Variants in TEX11 observed in about 807,000 individuals in gnomAD.
The protein encoded by TEX11 is testis-expressed protein 11.
A neutral mutation model predicts 84.4 loss-of-function variants in TEX11; 7 were observed. The observed-to-expected ratio is 0.08, with a 90% CI of 0.05 to 0.16. TEX11 has a LOEUF of 0.16. TEX11 is among the 10% of genes least tolerant of loss of function. The pLI, the probability that TEX11 is intolerant of heterozygous loss-of-function variation, is 1.00. For synonymous variants in TEX11, 264 were observed against 222.8 expected (o/e 1.18, Z -1.64); for missense variants, 551 against 660.5 (o/e 0.83, Z 1.82).
the TEX11 span, among the ~76,000 whole-genome samples, chrX:70,515,754 C>A: frequency 8.9e-6 from 1 of 112,369 alleles, no homozygotes; most frequent in African/African-American, 3.2e-5. Context: ...AAAAGTGTTC[C>A]TATTTCTCCA....
At chrX:70,775,038 A>G (rs982820493) in intron 9 of TEX11, among the ~76,000 whole-genome samples, 1 of 112,041 alleles carries the variant, frequency 8.9e-6, no homozygotes, top group African/African-American at 3.2e-5. Flanking sequence ...TAATCCAGAA[A>G]TAACTCCACA....
At chrX:70,887,389 G>C (rs78535010) in intron 2 of TEX11, among the ~76,000 whole-genome samples, 10,617 of 111,562 alleles carry the variant, frequency 0.095, 653 homozygotes, top group East Asian at 0.29. Context: ...ACCAGAAGCT[G>C]ACTGAAGAGC....
intron 18 of TEX11, among the ~76,000 whole-genome samples, chrX:70,628,802 G>C (rs1256170970): frequency 8.9e-6 from 1 of 112,212 alleles, no homozygotes; most frequent in Non-Finnish European, 1.9e-5. Flanking sequence ...AGATGAAAGA[G>C]AGGAAACCCA....
chrX:70,519,660 C>G, the TEX11 span, among the ~76,000 whole-genome samples: 1 of 111,861 alleles, frequency 8.9e-6, no homozygotes, highest in Admixed American at 9.5e-5. Context: ...GAATTCTGGC[C>G]TGCCTTATTA....
At chrX:70,787,326 T>A in intron 9 of TEX11, among the ~76,000 whole-genome samples, 1 of 111,041 alleles carries the variant, frequency 9.0e-6, no homozygotes, top group Non-Finnish European at 1.9e-5. Context: ...GGAATCCCCC[T>A]CTTGCCACTT....
chrX:70,873,124 A>G, intron 4 of TEX11, 99 bp downstream of exon 4: 1 of 506,189 alleles, frequency 2.0e-6, no homozygotes. Context: ...ACAAATCTCT[A>G]TCTAAGAATG....
At chrX:70,737,685 C>T (rs963829164) in intron 11 of TEX11, among the ~76,000 whole-genome samples, 4 of 10,163 alleles carry the variant, frequency 3.9e-4, no homozygotes, top group African/African-American at 1.3e-3. Flanking sequence ...TTTAAAATAC[C>T]CCCCCCCCAA....
chrX:70,779,923 A>G (rs2091027023), intron 9 of TEX11, among the ~76,000 whole-genome samples: 2 of 112,249 alleles, frequency 1.8e-5, no homozygotes, highest in South Asian at 7.4e-4. Flanking sequence ...TGATGGGTTC[A>G]CTGCTGAATT....
At chrX:70,728,421 A>C (rs771789806) in intron 11 of TEX11, among the ~76,000 whole-genome samples, 22 of 112,681 alleles carry the variant, frequency 2.0e-4, no homozygotes, top group Non-Finnish European at 4.0e-4. Flanking sequence ...TAGTCAAAGA[A>C]AGGAGTGACA....
intron 16 of TEX11, 70 bp downstream of exon 16, chrX:70,670,307 A>T: frequency 1.8e-6 from 2 of 1,098,744 alleles, no homozygotes; most frequent in Non-Finnish European, 2.4e-6. Flanking sequence ...AAGTCACAGC[A>T]TGGCATCTAT....
chrX:70,702,658 T>C (rs1207595811), intron 13 of TEX11, among the ~76,000 whole-genome samples: 1 of 109,709 alleles, frequency 9.1e-6, no homozygotes, highest in Non-Finnish European at 1.9e-5. Context: ...CACAAAGATA[T>C]CCCTCATGCT....
intron 5 of TEX11, among the ~76,000 whole-genome samples, chrX:70,856,344 T>C (rs2091536464): frequency 9.0e-6 from 1 of 111,122 alleles, no homozygotes; most frequent in South Asian, 3.8e-4. Flanking sequence ...TATATTTGTC[T>C]GCTTATAAAC....
At position 70,634,554 on chromosome X, in the gene TEX11, C is replaced by T. The variant is rs987265339; in HGVS notation, c.1484-4819G>A. Among the ~76,000 whole-genome samples, 3 of 110,162 alleles carry T rather than the reference C, an allele frequency of 2.7e-5. No homozygotes were observed. The Admixed American group carries it at 2.9e-4, about 11-fold the overall frequency. ...ACTGATAAAGACAGTATGGGAATAGCGTAAGGATGGATGAATAGAAGAATG... is the reference window on the plus strand; with the variant it reads ...ACTGATAAAGACAGTATGGGAATAGTGTAAGGATGGATGAATAGAAGAATG... On this transcript the variant is annotated intron_variant, in intron 17 of 29. Coordinates refer to ENST00000374333, the MANE Select transcript of TEX11 (RefSeq NM_031276.3).
intron 7 of TEX11, among the ~76,000 whole-genome samples, chrX:70,842,117 C>T (rs1421959137): frequency 1.8e-5 from 2 of 110,766 alleles, no homozygotes; most frequent in African/African-American, 6.5e-5. Flanking sequence ...GGGAATCCTC[C>T]CTAACTCATT....
intron 17 of TEX11, among the ~76,000 whole-genome samples, chrX:70,650,940 A>G (rs2089803587): frequency 8.9e-6 from 1 of 111,943 alleles, no homozygotes; most frequent in South Asian, 3.7e-4. Context: ...AAAGGCCTCA[A>G]CATTAATGGG....
In TEX11 at chrX:70,835,270, C is replaced by G. The variant is rs969551428; in HGVS notation, c.526-1677G>C. Among the ~76,000 whole-genome samples, 33 of 111,950 alleles carry G rather than the reference C, an allele frequency of 2.9e-4. 1 individual carries two copies. Among genetic ancestry groups the G allele is most frequent in the African/African-American group, 1.0e-3 (32 of 30,821 alleles). ...TTATAACATATAAAACAATATGAGACTTTAATGTTCAAACAACCCATAAAG... is the reference window on the plus strand; with the variant it reads ...TTATAACATATAAAACAATATGAGAGTTTAATGTTCAAACAACCCATAAAG... On this transcript the variant is annotated intron_variant, in intron 7 of 29. Coordinates refer to ENST00000374333, the MANE Select transcript of TEX11 (RefSeq NM_031276.3).
intron 13 of TEX11, among the ~76,000 whole-genome samples, chrX:70,690,189 G>C (rs1210681418): frequency 2.7e-5 from 3 of 111,236 alleles, no homozygotes; most frequent in Non-Finnish European, 5.7e-5. Context: ...GTAAGATTCT[G>C]GAATAGAAAA....
intron 28 of TEX11, among the ~76,000 whole-genome samples, chrX:70,534,158 G>A (rs112032356): frequency 0.024 from 2,409 of 102,335 alleles, 76 homozygotes; most frequent in African/African-American, 0.082. Context: ...AAGGAAGGAA[G>A]AAAGCAAGAG....
At chrX:70,715,338 C>T (rs1200481679) in intron 13 of TEX11, among the ~76,000 whole-genome samples, 2 of 111,709 alleles carry the variant, frequency 1.8e-5, no homozygotes, top group East Asian at 5.6e-4. Flanking sequence ...GAATGCTGGC[C>T]TGCCTTGCTA....
Sources: gnomAD v4.1 joint callset for allele counts (sites outside exome capture counted in the v4.1 genomes callset) on GRCh38, gnomAD v4.1.1 for gene constraint, MANE v1.5 for transcripts, NCBI Gene and HGNC (gene_info 2026-07-23, HGNC 2026-07-21) for gene names.